Variants in EFCAB6 observed in about 807,000 individuals in gnomAD.
EFCAB6 encodes the protein EF-hand calcium binding domain 6.
A neutral mutation model predicts 169.8 loss-of-function variants in EFCAB6; 156 were observed. The observed-to-expected ratio is 0.92, with a 90% CI of 0.81 to 1.05. EFCAB6 has a LOEUF of 1.05. EFCAB6 is among the 50% of genes least tolerant of loss of function. The pLI is 0.00. For missense variants in EFCAB6, 1,800 were observed against 1,829.1 expected (o/e 0.98, Z 0.29); for synonymous variants, 698 against 676.4 (o/e 1.03, Z -0.50).
chr22:43,684,695 T>A (rs550532763), intron 11 of EFCAB6, among the ~76,000 whole-genome samples: 1 of 152,358 alleles, frequency 6.6e-6, no homozygotes, highest in East Asian at 1.9e-4. Context: ...CCACCACTTT[T>A]CAGAAACATA....
chr22:43,740,454 C>T (rs1044940517), intron 6 of EFCAB6, among the ~76,000 whole-genome samples: 3 of 152,210 alleles, frequency 2.0e-5, no homozygotes, highest in Non-Finnish European at 4.4e-5. Flanking sequence ...GCAAATACCT[C>T]CTCAGTCGAC....
intron 20 of EFCAB6, 40 bp downstream of exon 20, chr22:43,626,407 C>A: frequency 6.3e-7 from 1 of 1,588,196 alleles, no homozygotes; most frequent in Non-Finnish European, 8.6e-7. Context: ...TGGCACGGGC[C>A]GGCATATATT....
Position 43,574,423 on chromosome 22 carries a change from T to C in EFCAB6, c.3420+1874A>G, listed in dbSNP as rs922681644. ...TGAGCTCAGGTGGCTACATGACTTCTGGGAGCCTGTCTACTCCGCCTTCCC... is the reference window on the plus strand; with the variant it reads ...TGAGCTCAGGTGGCTACATGACTTCCGGGAGCCTGTCTACTCCGCCTTCCC... On this transcript the variant is annotated intron_variant, in intron 26 of 31. Coordinates refer to ENST00000262726, the MANE Select transcript of EFCAB6 (RefSeq NM_022785.4). Among the ~76,000 whole-genome samples the C allele has an allele frequency of 3.3e-5, 5 of 152,252 alleles. No homozygotes were observed. In the South Asian group the frequency reaches 1.0e-3, roughly 32 times the overall value.
chr22:43,631,961 A>G, intron 19 of EFCAB6, 144 bp downstream of exon 19: 1 of 1,240,998 alleles, frequency 8.1e-7, no homozygotes. Flanking sequence ...CTCCCTGACC[A>G]ATGCTGGGTC....
intron 20 of EFCAB6, among the ~76,000 whole-genome samples, chr22:43,618,326 G>A (rs2053884312): frequency 6.6e-6 from 1 of 152,014 alleles, no homozygotes; most frequent in Admixed American, 6.6e-5. Flanking sequence ...ACTTCGTCAG[G>A]AAGACCAGGG....
chr22:43,650,660 T>C (rs372553650), intron 17 of EFCAB6, among the ~76,000 whole-genome samples: 14 of 152,252 alleles, frequency 9.2e-5, no homozygotes, highest in African/African-American at 1.4e-4. Flanking sequence ...CATAAGAAGA[T>C]AGGAAAATGT....
At chr22:43,699,257 G>T (rs113397233) in intron 10 of EFCAB6, among the ~76,000 whole-genome samples, 12,656 of 152,170 alleles carry the variant, frequency 0.083, 654 homozygotes, top group South Asian at 0.17. Context: ...AAGGTGAGAG[G>T]AGAAAGAAGT....
chr22:43,639,394 G>C (rs537969162), intron 17 of EFCAB6, among the ~76,000 whole-genome samples: 1 of 152,186 alleles, frequency 6.6e-6, no homozygotes, highest in East Asian at 1.9e-4. Context: ...ACTTTGGCTG[G>C]GTATAAAATT....
At position 43,680,489 on chromosome 22, in the gene EFCAB6, A is replaced by G. The variant is rs2057961811; in HGVS notation, c.1252-2326T>C. Among the ~76,000 whole-genome samples the G allele has an allele frequency of 2.0e-5, 3 of 152,230 alleles. No individual in the cohort carries two copies. In the South Asian group the frequency reaches 6.2e-4, roughly 32 times the overall value. ...TTTCAAAAGCAAAAAAAAAGAAAAAAAAAAGCCAGCTGGGATGTTGATAGG... is the reference window on the plus strand; with the variant it reads ...TTTCAAAAGCAAAAAAAAAGAAAAAGAAAAGCCAGCTGGGATGTTGATAGG... On this transcript the variant is annotated intron_variant, in intron 12 of 31. Coordinates refer to ENST00000262726, the MANE Select transcript of EFCAB6 (RefSeq NM_022785.4).
At chr22:43,545,286 A>G (rs2047987333) in intron 27 of EFCAB6, among the ~76,000 whole-genome samples, 1 of 152,202 alleles carries the variant, frequency 6.6e-6, no homozygotes, top group South Asian at 2.1e-4. Flanking sequence ...GAACCTGATC[A>G]TAAAAGATCC....
chr22:43,584,104 C>A (rs188723154), intron 24 of EFCAB6, among the ~76,000 whole-genome samples: 1 of 152,238 alleles, frequency 6.6e-6, no homozygotes, highest in African/African-American at 2.4e-5. Context: ...CAGGAAGGAA[C>A]TGGTTGTGGC....
At chr22:43,809,872 CT>C (rs201509939) in intron 1 of EFCAB6, among the ~76,000 whole-genome samples, 6,046 of 151,916 alleles carry the variant, frequency 0.04, 431 homozygotes, top group African/African-American at 0.14. Context: ...TCCCAAAGTG[CT>C]GGGATTACAG....
chr22:43,742,107 G>A (rs2147751973), intron 6 of EFCAB6, among the ~76,000 whole-genome samples: 1 of 152,244 alleles, frequency 6.6e-6, no homozygotes, highest in Non-Finnish European at 1.5e-5. Context: ...CATTACCCAT[G>A]GAGACCTAAC....
chr22:43,571,563 T>C (rs898946374), intron 26 of EFCAB6, among the ~76,000 whole-genome samples: 1 of 152,202 alleles, frequency 6.6e-6, no homozygotes, highest in Non-Finnish European at 1.5e-5. Flanking sequence ...GAATGCAGTC[T>C]GGGGTTCTTC....
intron 23 of EFCAB6, 115 bp downstream of exon 23, chr22:43,599,954 A>G: frequency 2.6e-6 from 3 of 1,171,820 alleles, no homozygotes; most frequent in Non-Finnish European, 3.6e-6. Flanking sequence ...AAGCACGATC[A>G]TTTCCCTGTA....
chr22:43,639,891 G>A (rs936698619), intron 17 of EFCAB6, among the ~76,000 whole-genome samples: 7 of 151,350 alleles, frequency 4.6e-5, no homozygotes, highest in African/African-American at 1.7e-4. Context: ...TCTATCCTCG[G>A]GCTCATTGAC....
At chr22:43,639,707 T>C (rs1333644016) in intron 17 of EFCAB6, among the ~76,000 whole-genome samples, 3 of 152,200 alleles carry the variant, frequency 2.0e-5, no homozygotes, top group African/African-American at 7.2e-5. Context: ...ATTTTAGCCA[T>C]TATTTCTTCA....
chr22:43,780,486 C>CAAAAAAAA (rs34634496), intron 3 of EFCAB6, among the ~76,000 whole-genome samples: 2 of 49,018 alleles, frequency 4.1e-5, no homozygotes, highest in Non-Finnish European at 7.2e-5. Flanking sequence ...GACTCTGTCT[C>CAAAAAAAA]AAAAAAAAAA....
chr22:43,629,738 G>A (rs1013807303), intron 19 of EFCAB6, among the ~76,000 whole-genome samples: 2 of 152,104 alleles, frequency 1.3e-5, no homozygotes, highest in South Asian at 2.1e-4. Context: ...TCAAAGGGGA[G>A]GCGCCATCCA....
Sources: gnomAD v4.1 joint callset for allele counts (sites outside exome capture counted in the v4.1 genomes callset) on GRCh38, gnomAD v4.1.1 for gene constraint, MANE v1.5 for transcripts, NCBI Gene and HGNC (gene_info 2026-07-23, HGNC 2026-07-21) for gene names.